Variants in FAT3 observed in about 807,000 individuals in gnomAD.
FAT3 encodes the protein protocadherin Fat 3.
FAT3 carries 95 observed loss-of-function variants against 310.2 expected under a neutral mutation model. That is an observed-to-expected ratio of 0.31 (90% CI 0.26 to 0.36). FAT3 has a LOEUF of 0.36. Among genes scored for constraint, FAT3 ranks in the 10% least tolerant of loss-of-function variants. The probability of loss-of-function intolerance (pLI) is 1.00; values close to 1 mark genes in which losing one functional copy is unlikely to be tolerated. For synonymous variants in FAT3, 2,314 were observed against 2,192.9 expected, an observed-to-expected ratio of 1.06 and a Z score of -1.54; for missense variants, 5,408 against 5,715.6, an observed-to-expected ratio of 0.95 and a Z score of 1.74.
chr11:92,526,470 C>T (rs1953867657), intron 3 of FAT3, among the ~76,000 whole-genome samples: 1 of 152,152 alleles, frequency 6.6e-6, no homozygotes, highest in Non-Finnish European at 1.5e-5. Context: ...CCCATTGCTA[C>T]TTGAGTCATT....
At chr11:92,806,607 A>G in intron 12 of FAT3, 92 bp downstream of exon 12, 1 of 1,116,728 alleles carries the variant, frequency 9.0e-7, no homozygotes, top group Non-Finnish European at 1.3e-6. Context: ...AATAGTTAGT[A>G]GTATACTTAC....
At chr11:92,361,773 C>T (rs1948888289) in intron 2 of FAT3, among the ~76,000 whole-genome samples, 1 of 152,156 alleles carries the variant, frequency 6.6e-6, no homozygotes. Flanking sequence ...CATGACATAG[C>T]ACGTGACAGC....
intron 1 of FAT3, among the ~76,000 whole-genome samples, chr11:92,276,529 A>G (rs1170596713): frequency 2.0e-5 from 3 of 152,198 alleles, no homozygotes; most frequent in African/African-American, 7.2e-5. Flanking sequence ...CCTTTGGCCA[A>G]TGGAATGTTA....
At chr11:92,715,257 A>T (rs2135957873) in intron 4 of FAT3, among the ~76,000 whole-genome samples, 1 of 151,082 alleles carries the variant, frequency 6.6e-6, no homozygotes, top group Middle Eastern at 3.4e-3. Flanking sequence ...AAAAAAAAAA[A>T]AATAGCTGGG....
At chr11:92,272,274 A>C (rs1946142581) in intron 1 of FAT3, among the ~76,000 whole-genome samples, 1 of 152,120 alleles carries the variant, frequency 6.6e-6, no homozygotes, top group Non-Finnish European at 1.5e-5. Context: ...AGCTCCAAGC[A>C]GAGTAGAAAT....
chr11:92,799,383 C>G lies in FAT3; in HGVS notation c.6370C>G (p.Gln2124Glu). 1 of 1,613,760 alleles carries G rather than the reference C, an allele frequency of 6.2e-7. No homozygotes were observed. Among genetic ancestry groups the G allele is most frequent in the Non-Finnish European group, 8.5e-7 (1 of 1,179,790 alleles). The change falls in exon 10 of 28, where the codon CAG becomes GAG. Residue 2124 changes from glutamine (Q) to glutamate (E), a missense_variant. Transcript: ENST00000525166. ...GPNGEVTYVL[Q>E]DDYGHFEINP... is the part of the protein sequence containing the mutation. ...AAATGGAGAAGTGACCTATGTCCTG[C>G]AGGATGACTATGGCCACTTTGAAAT...
At chr11:92,277,070 CA>C (rs1376237141) in intron 1 of FAT3, among the ~76,000 whole-genome samples, 1 of 151,962 alleles carries the variant, frequency 6.6e-6, no homozygotes, top group African/African-American at 2.4e-5. Flanking sequence ...TTACAAGAAT[CA>C]ATTTTTGTTG....
intron 1 of FAT3, among the ~76,000 whole-genome samples, chr11:92,351,809 A>G (rs1948574906): frequency 6.6e-6 from 1 of 152,210 alleles, no homozygotes; most frequent in African/African-American, 2.4e-5. Context: ...TCAGAATGTA[A>G]GAAATCTTGT....
chr11:92,775,843 G>T (rs1198274164), intron 7 of FAT3, among the ~76,000 whole-genome samples: 1 of 152,154 alleles, frequency 6.6e-6, no homozygotes, highest in Non-Finnish European at 1.5e-5. Flanking sequence ...CATTTGGGAT[G>T]ATAAATTATA....
intron 13 of FAT3, among the ~76,000 whole-genome samples, chr11:92,820,537 G>C (rs902336362): frequency 6.6e-6 from 1 of 152,164 alleles, no homozygotes; most frequent in African/African-American, 2.4e-5. Flanking sequence ...CCCAGGGGAA[G>C]ACAGCTGTGG....
In FAT3 at chr11:92,758,501, C is replaced by T. The variant is rs142653408; in HGVS notation, c.3670-3355C>T. 8.6e-3 allele frequency among the ~76,000 whole-genome samples: 1,303 copies of T among 152,256 alleles called. 31 individuals are homozygous for T. Among genetic ancestry groups the T allele is most frequent in the African/African-American group, 0.03 (1,241 of 41,528 alleles). On this transcript the variant is annotated intron_variant, in intron 4 of 27. Transcript: ENST00000525166. ...AGAGCATGGCATGCTCAGGACCTCC[C>T]AAGCTCACCATGTAACTGAGCATAG...
chr11:92,759,816 G>C (rs909269575), intron 4 of FAT3, among the ~76,000 whole-genome samples: 1 of 152,112 alleles, frequency 6.6e-6, no homozygotes, highest in African/African-American at 2.4e-5. Context: ...GCCAAGAGGG[G>C]CTCCTTTCCC....
chr11:92,257,568 C>G (rs1865366918), intron 1 of FAT3, among the ~76,000 whole-genome samples: 1 of 152,066 alleles, frequency 6.6e-6, no homozygotes, highest in South Asian at 2.1e-4. Context: ...ACAACCTGTT[C>G]CAGTTCTCTT....
chr11:92,717,290 A>G (rs1400762449), intron 4 of FAT3, among the ~76,000 whole-genome samples: 1 of 152,190 alleles, frequency 6.6e-6, no homozygotes, highest in African/African-American at 2.4e-5. Flanking sequence ...GACTAGGAAA[A>G]GTAGCAATAT....
chr11:92,246,270 G>A (rs561771831), intron 1 of FAT3, among the ~76,000 whole-genome samples: 2 of 152,186 alleles, frequency 1.3e-5, no homozygotes, highest in East Asian at 3.9e-4. Context: ...AGGCTACGAG[G>A]AAAACAAATA....
intron 13 of FAT3, among the ~76,000 whole-genome samples, chr11:92,828,865 G>A (rs1221920617): frequency 6.6e-6 from 1 of 152,150 alleles, no homozygotes; most frequent in Non-Finnish European, 1.5e-5. Context: ...CTGAAGAGAA[G>A]GCTGCAGGCC....
chr11:92,760,036 A>G (rs1946104525), intron 4 of FAT3, among the ~76,000 whole-genome samples: 1 of 152,172 alleles, frequency 6.6e-6, no homozygotes, highest in South Asian at 2.1e-4. Context: ...TGGGAGTGTA[A>G]CATTTGCGTT....
chr11:92,849,282 A>G (rs1948759055), intron 19 of FAT3, among the ~76,000 whole-genome samples: 1 of 152,168 alleles, frequency 6.6e-6, no homozygotes, highest in South Asian at 2.1e-4. Context: ...GAAGTTTCCT[A>G]ATCCAAACTC....
At chr11:92,848,957 T>C (rs541635096) in intron 19 of FAT3, among the ~76,000 whole-genome samples, 1 of 152,228 alleles carries the variant, frequency 6.6e-6, no homozygotes, top group Non-Finnish European at 1.5e-5. Flanking sequence ...AGAACTGGTG[T>C]GCAATTCAGT....
Sources: gnomAD v4.1 joint callset for allele counts (sites outside exome capture counted in the v4.1 genomes callset) on GRCh38, gnomAD v4.1.1 for gene constraint, MANE v1.5 for transcripts, NCBI Gene and HGNC (gene_info 2026-07-23, HGNC 2026-07-21) for gene names.